The following FAF1 variants were observed in gnomAD, a reference collection of about 807,000 sequenced individuals.
The protein encoded by FAF1 is FAS-associated factor 1.
FAF1 carries 25 observed loss-of-function variants against 92.5 expected under a neutral mutation model. The observed-to-expected ratio is 0.27, with a 90% confidence interval of 0.20 to 0.38. The LOEUF is 0.38. Among genes scored for constraint, FAF1 ranks in the 10% least tolerant of loss-of-function variants. FAF1 has a pLI of 1.00. For synonymous variants in FAF1, 234 were observed against 273.2 expected (o/e 0.86, Z 1.42); for missense variants, 636 against 793.3 (o/e 0.80, Z 2.38).
intron 17 of FAF1, among the ~76,000 whole-genome samples, chr1:50,485,430 A>G (rs941444992): frequency 6.6e-6 from 1 of 151,948 alleles, no homozygotes; most frequent in Non-Finnish European, 1.5e-5. Flanking sequence ...TGGGAGGCCA[A>G]GGCAGGCAGA....
At chr1:50,780,729 A>C in intron 4 of FAF1, 1 of 290,638 alleles carries the variant, frequency 3.4e-6, no homozygotes, top group South Asian at 3.2e-5. Flanking sequence ...GTCAGTGGTG[A>C]CTTGCTCTGA....
At chr1:50,506,223 C>T (rs1647056583) in intron 15 of FAF1, among the ~76,000 whole-genome samples, 2 of 152,174 alleles carry the variant, frequency 1.3e-5, no homozygotes, top group South Asian at 4.1e-4. Context: ...ACATTCTGAA[C>T]CACTTGGTAT....
At chr1:50,729,217 G>A (rs888505745) in intron 6 of FAF1, among the ~76,000 whole-genome samples, 6 of 151,096 alleles carry the variant, frequency 4.0e-5, no homozygotes, top group Admixed American at 6.6e-5. Context: ...CACCATACCC[G>A]GCTTATTTTG....
intron 4 of FAF1, among the ~76,000 whole-genome samples, chr1:50,768,998 G>A (rs1174177312): frequency 6.6e-6 from 1 of 151,536 alleles, no homozygotes; most frequent in East Asian, 1.9e-4. Context: ...CTGAGTCCAG[G>A]AATTAGTTCC....
At chr1:50,835,800 G>A (rs1183276314) in intron 2 of FAF1, among the ~76,000 whole-genome samples, 1 of 152,116 alleles carries the variant, frequency 6.6e-6, no homozygotes, top group East Asian at 1.9e-4. Context: ...TTAGGTAAGA[G>A]TATAGTAATT....
chr1:50,784,044 A>C (rs1211088412), intron 4 of FAF1, among the ~76,000 whole-genome samples: 2 of 152,192 alleles, frequency 1.3e-5, no homozygotes, highest in Non-Finnish European at 2.9e-5. Context: ...ACCTCTACAT[A>C]ATAAATGCCA....
chr1:50,757,232 T>C (rs1660112233), intron 4 of FAF1, among the ~76,000 whole-genome samples: 1 of 152,082 alleles, frequency 6.6e-6, no homozygotes, highest in East Asian at 1.9e-4. Flanking sequence ...AGGAGTATTA[T>C]ATACATTTTA....
intron 2 of FAF1, among the ~76,000 whole-genome samples, chr1:50,839,572 A>G (rs1463382407): frequency 6.6e-6 from 1 of 152,184 alleles, no homozygotes; most frequent in African/African-American, 2.4e-5. Context: ...CTAACATTTT[A>G]TGCTTTCACA....
rs762154100 is a variant in FAF1, at chr1:50,866,712, T to C, written c.46-8715A>G. Among the ~76,000 whole-genome samples the C allele has an allele frequency of 9.2e-5, 14 of 152,088 alleles. No individual in the cohort carries two copies. In the East Asian group the frequency reaches 2.7e-3, roughly 29 times the overall value. ...ATCATAGATGACACAAATGGACACA[T>C]CCCATGATCATGGATGGGTAGAATC... On this transcript the variant is annotated intron_variant, in intron 1 of 18. Coordinates refer to ENST00000396153, the MANE Select transcript of FAF1 (RefSeq NM_007051.3).
At chr1:50,825,416 C>T (rs936821720) in intron 2 of FAF1, among the ~76,000 whole-genome samples, 7 of 151,808 alleles carry the variant, frequency 4.6e-5, no homozygotes, top group African/African-American at 9.7e-5. Context: ...CTATGTAATA[C>T]AAGACATAGG....
chr1:50,536,873 G>A (rs1299151205), intron 14 of FAF1, among the ~76,000 whole-genome samples: 4 of 152,174 alleles, frequency 2.6e-5, no homozygotes, highest in Admixed American at 2.6e-4. Context: ...ACTATGTAGT[G>A]TTCTTAGAAG....
At chr1:50,602,748 C>T (rs760366239) in intron 8 of FAF1, among the ~76,000 whole-genome samples, 15 of 151,936 alleles carry the variant, frequency 9.9e-5, no homozygotes, top group Admixed American at 2.6e-4. Context: ...GTGATCTGCC[C>T]GCCTCGGCTT....
chr1:50,638,207 G>A (rs1164053568), intron 8 of FAF1, among the ~76,000 whole-genome samples: 1 of 151,992 alleles, frequency 6.6e-6, no homozygotes, highest in East Asian at 1.9e-4. Context: ...CTTTTTGGTG[G>A]ATTATGTTGG....
At chr1:50,485,018 T>C (rs964269281) in intron 17 of FAF1, among the ~76,000 whole-genome samples, 2 of 151,166 alleles carry the variant, frequency 1.3e-5, no homozygotes, top group African/African-American at 2.4e-5. Context: ...GACGAGTTAA[T>C]GGGTGCAGCA....
intron 18 of FAF1, among the ~76,000 whole-genome samples, chr1:50,443,396 T>C (rs1172286335): frequency 1.3e-5 from 2 of 152,154 alleles, no homozygotes; most frequent in African/African-American, 2.4e-5. Flanking sequence ...AGCTGGAATT[T>C]GAGAAGGAGG....
At chr1:50,958,602 T>C (rs1645289421) in intron 1 of FAF1, among the ~76,000 whole-genome samples, 1 of 149,272 alleles carries the variant, frequency 6.7e-6, no homozygotes. Flanking sequence ...GGCGTGAACC[T>C]GGGAGGCGGA....
intron 1 of FAF1, among the ~76,000 whole-genome samples, chr1:50,934,906 A>G (rs1645074667): frequency 6.6e-6 from 1 of 152,028 alleles, no homozygotes; most frequent in African/African-American, 2.4e-5. Flanking sequence ...TCACTGTTCT[A>G]TTCATGAATG....
At chr1:50,793,517 G>A (rs1161972558) in intron 3 of FAF1, among the ~76,000 whole-genome samples, 1 of 152,038 alleles carries the variant, frequency 6.6e-6, no homozygotes, top group Non-Finnish European at 1.5e-5. Flanking sequence ...AGGTATAATA[G>A]AAAAAAACAC....
intron 17 of FAF1, among the ~76,000 whole-genome samples, chr1:50,490,097 C>T (rs1338854747): frequency 3.3e-5 from 5 of 152,272 alleles, no homozygotes; most frequent in East Asian, 1.9e-4. Flanking sequence ...CGGTGGCTCA[C>T]GCCTGTAATG....
Sources: gnomAD v4.1 joint callset for allele counts (sites outside exome capture counted in the v4.1 genomes callset) on GRCh38, gnomAD v4.1.1 for gene constraint, MANE v1.5 for transcripts, NCBI Gene and HGNC (gene_info 2026-07-23, HGNC 2026-07-21) for gene names.